NRXN1: variants seen among roughly 807,000 people sequenced by gnomAD.
NRXN1 encodes neurexin 1.
NRXN1 carries 39 observed loss-of-function variants against 150.9 expected under a neutral mutation model. The ratio of observed to expected loss-of-function variants is 0.26; its 90% confidence interval spans 0.20 to 0.34. The LOEUF (loss-of-function observed/expected upper bound fraction) is 0.34, where lower values mean the gene tolerates loss of function less well. Among genes scored for constraint, NRXN1 ranks in the 10% least tolerant of loss-of-function variants. The pLI is 1.00. For synonymous variants in NRXN1, 924 were observed against 757.0 expected (o/e 1.22, Z -3.62); for missense variants, 1,815 against 1,949.9 (o/e 0.93, Z 1.30).
intron 5 of NRXN1, among the ~76,000 whole-genome samples, chr2:50,737,045 G>C (rs1698847487): frequency 6.6e-6 from 1 of 151,968 alleles, no homozygotes; most frequent in East Asian, 1.9e-4. Context: ...GTCACCTGAG[G>C]TAAGGAGTTT....
chr2:50,830,012 A>G, intron 5 of NRXN1, among the ~76,000 whole-genome samples: 1 of 147,334 alleles, frequency 6.8e-6, no homozygotes, highest in East Asian at 2.0e-4. Context: ...AAAAAAAAAA[A>G]AAAAAAAAAA....
intron 5 of NRXN1, among the ~76,000 whole-genome samples, chr2:50,786,655 C>G (rs1029702435): frequency 2.5e-4 from 38 of 152,132 alleles, no homozygotes; most frequent in African/African-American, 4.8e-5. Flanking sequence ...ATCCGAGACA[C>G]ATCTGTGTGT....
chr2:50,309,077 T>A (rs2074928130), intron 17 of NRXN1, among the ~76,000 whole-genome samples: 1 of 152,184 alleles, frequency 6.6e-6, no homozygotes, highest in African/African-American at 2.4e-5. Flanking sequence ...CAAAGACAAG[T>A]ATTTTCTTAA....
At chr2:50,448,485 T>C (rs1212817160) in intron 17 of NRXN1, among the ~76,000 whole-genome samples, 1 of 152,106 alleles carries the variant, frequency 6.6e-6, no homozygotes, top group African/African-American at 2.4e-5. Flanking sequence ...GTAGGTGTAA[T>C]GATTAAAGCA....
chr2:50,189,614 T>A (rs1174638520), intron 18 of NRXN1, among the ~76,000 whole-genome samples: 1 of 152,154 alleles, frequency 6.6e-6, no homozygotes, highest in African/African-American at 2.4e-5. Context: ...CAGTATATCT[T>A]GGTGGCAAAT....
chr2:50,211,290 T>C (rs1251629283), intron 18 of NRXN1, among the ~76,000 whole-genome samples: 2 of 151,728 alleles, frequency 1.3e-5, no homozygotes, highest in African/African-American at 4.8e-5. Context: ...TATACACATA[T>C]ACATATGTTA....
chr2:50,537,469 G>C (rs767806195), intron 10 of NRXN1, among the ~76,000 whole-genome samples: 8 of 152,074 alleles, frequency 5.3e-5, no homozygotes, highest in Non-Finnish European at 1.0e-4. Context: ...CAGATCAACT[G>C]GGATGGCTAT....
At chr2:50,511,943 G>A (rs2092467602) in intron 12 of NRXN1, among the ~76,000 whole-genome samples, 1 of 152,022 alleles carries the variant, frequency 6.6e-6, no homozygotes. Flanking sequence ...ATAATTTGTA[G>A]TTATGGGAGG....
chr2:50,740,727 T>C (rs1033703617), intron 5 of NRXN1, among the ~76,000 whole-genome samples: 2 of 152,154 alleles, frequency 1.3e-5, no homozygotes, highest in Non-Finnish European at 2.9e-5. Flanking sequence ...CTCCCCCACT[T>C]TTTATGCATG....
intron 5 of NRXN1, among the ~76,000 whole-genome samples, chr2:50,846,121 AT>A (rs1049016872): frequency 5.9e-5 from 9 of 152,078 alleles, no homozygotes; most frequent in African/African-American, 1.7e-4. Flanking sequence ...AACTTAAAAA[AT>A]TTTTTTTCAT....
chr2:49,983,010 A>G (rs1450269602), intron 21 of NRXN1, among the ~76,000 whole-genome samples: 8 of 152,112 alleles, frequency 5.3e-5, no homozygotes, highest in Non-Finnish European at 1.0e-4. Flanking sequence ...CCCTTTTCCC[A>G]TTTAAATAAA....
intron 5 of NRXN1, among the ~76,000 whole-genome samples, chr2:50,910,135 T>A (rs1284045058): frequency 6.6e-6 from 1 of 152,012 alleles, no homozygotes; most frequent in Non-Finnish European, 1.5e-5. Context: ...TTTCTCAACA[T>A]TTGGGATTTA....
At position 50,233,296 on chromosome 2, in the gene NRXN1, T is replaced by C. The variant is rs1345063047; in HGVS notation, c.3546+3493A>G. ...TTGAGGTTAACAGTGGTAGCATCAA[T>C]ATTAATATGACAAAAAAATCCATCT... On this transcript the variant is annotated intron_variant, in intron 18 of 22. Transcript: ENST00000401669. 2.0e-5 allele frequency among the ~76,000 whole-genome samples: 3 copies of C among 152,160 alleles called. No individual in the cohort carries two copies. The East Asian group carries it at 5.8e-4, about 29-fold the overall frequency.
chr2:50,727,942 T>C (rs1697596978), intron 5 of NRXN1, among the ~76,000 whole-genome samples: 1 of 152,136 alleles, frequency 6.6e-6, no homozygotes, highest in South Asian at 2.1e-4. Context: ...TCTTTACAAA[T>C]TAGAGAAAGG....
rs534300497 is a variant in NRXN1, at chr2:50,877,116, G to C, written c.832+44753C>G. Among the ~76,000 whole-genome samples the C allele has an allele frequency of 1.3e-3, 192 of 151,562 alleles. 1 individual carries two copies. The highest frequency in any genetic ancestry group is 4.5e-3 in the African/African-American group (185 of 41,386). ...AACTCATCTAAAGGATGGTGTCCTA[G>C]TTCAATGTTAATGATGTGCTTGATG... On this transcript the variant is annotated intron_variant, in intron 5 of 22. Transcript: ENST00000401669.
At chr2:50,433,057 A>C (rs565647917) in intron 17 of NRXN1, among the ~76,000 whole-genome samples, 1 of 152,330 alleles carries the variant, frequency 6.6e-6, no homozygotes, top group South Asian at 2.1e-4. Flanking sequence ...TGATACATAG[A>C]AGGAAACACC....
chr2:50,780,103 T>A (rs1414503632), intron 5 of NRXN1, among the ~76,000 whole-genome samples: 1 of 152,236 alleles, frequency 6.6e-6, no homozygotes, highest in African/African-American at 2.4e-5. Flanking sequence ...TTGATTTGTA[T>A]TTCTCTAATG....
intron 5 of NRXN1, chr2:50,632,955 T>C (rs1049731813): frequency 3.3e-5 from 5 of 152,098 alleles, no homozygotes; most frequent in Non-Finnish European, 5.9e-5. Context: ...TGTTTCACCT[T>C]TAGGCAATAT....
At chr2:50,116,936 T>C (rs1466741681) in intron 18 of NRXN1, among the ~76,000 whole-genome samples, 1 of 152,116 alleles carries the variant, frequency 6.6e-6, no homozygotes, top group Non-Finnish European at 1.5e-5. Context: ...TGCACCTTCC[T>C]GGTATTAATG....
Sources: gnomAD v4.1 joint callset for allele counts (sites outside exome capture counted in the v4.1 genomes callset) on GRCh38, gnomAD v4.1.1 for gene constraint, MANE v1.5 for transcripts, NCBI Gene and HGNC (gene_info 2026-07-23, HGNC 2026-07-21) for gene names.